Variants in OCA2 observed in about 807,000 individuals in gnomAD.
The protein encoded by OCA2 is P protein.
In OCA2, 77 loss-of-function variants were observed where a neutral mutation model predicts 100.2. The observed-to-expected ratio is 0.77, with a 90% CI of 0.64 to 0.93. The LOEUF is 0.93. OCA2 is among the 40% of genes least tolerant of loss of function. OCA2 has a pLI of 0.00. For synonymous variants in OCA2, 432 were observed against 439.2 expected (o/e 0.98, Z 0.21); for missense variants, 1,062 against 1,089.1 (o/e 0.98, Z 0.35).
chr15:28,013,434 T>C (rs1476838052), intron 9 of OCA2, among the ~76,000 whole-genome samples: 6 of 152,178 alleles, frequency 3.9e-5, no homozygotes, highest in African/African-American at 1.2e-4. Flanking sequence ...CTTGTGGGCC[T>C]GGGGCAGTGT....
At chr15:28,023,687 C>T (rs1288673285) in intron 5 of OCA2, among the ~76,000 whole-genome samples, 2 of 152,198 alleles carry the variant, frequency 1.3e-5, no homozygotes, top group African/African-American at 4.8e-5. Context: ...CCAGCAACTG[C>T]CCATGCACAC....
chr15:28,011,979 A>G (rs893478633), intron 9 of OCA2, among the ~76,000 whole-genome samples: 1 of 136,308 alleles, frequency 7.3e-6, no homozygotes, highest in African/African-American at 2.5e-5. Flanking sequence ...TTTGTCTCCA[A>G]AAAAAAAAAA....
chr15:28,012,708 A>G (rs1211096986), intron 9 of OCA2, among the ~76,000 whole-genome samples: 3 of 152,240 alleles, frequency 2.0e-5, no homozygotes, highest in Non-Finnish European at 2.9e-5. Context: ...TTTGCAAATT[A>G]TGTAGTTTTC....
rs1022282323 is a variant in OCA2, at chr15:28,018,709, T to C, written c.647-152A>G. The C allele has an allele frequency of 1.1e-5, 8 of 731,860 alleles. No individual in the cohort carries two copies. The African/African-American group carries it at 1.4e-4, about 13-fold the overall frequency. The allele number at this position is 731,860 out of a possible 1,614,324, so 45.3% of individuals were successfully genotyped here. On this transcript the variant is annotated intron_variant, in intron 6 of 23. Coordinates refer to ENST00000354638, the MANE Select transcript of OCA2 (RefSeq NM_000275.3). ...TGGCCATTAACACGATCTTCCTGCC[T>C]TTCTTATTACCCACATCTCAGCCCT...
intron 2 of OCA2, among the ~76,000 whole-genome samples, chr15:28,053,780 T>A (rs1265884716): frequency 6.6e-6 from 1 of 152,312 alleles, no homozygotes; most frequent in Non-Finnish European, 1.5e-5. Flanking sequence ...CTCACGATGC[T>A]CAGCGCAACC....
intron 23 of OCA2, among the ~76,000 whole-genome samples, chr15:27,817,861 T>G (rs2034363326): frequency 6.6e-6 from 1 of 152,158 alleles, no homozygotes; most frequent in East Asian, 1.9e-4. Context: ...GAGTGAGATG[T>G]AGGTGTCTGT....
chr15:28,009,684 TCA>T (rs747425942), intron 9 of OCA2, among the ~76,000 whole-genome samples: 9,830 of 137,958 alleles, frequency 0.071, 341 homozygotes, highest in Admixed American at 0.11. Context: ...CGAGATTCTG[TCA>T]CACACACACA....
At chr15:28,095,111 C>T (rs569983384) in intron 1 of OCA2, among the ~76,000 whole-genome samples, 1 of 152,344 alleles carries the variant, frequency 6.6e-6, no homozygotes, top group Admixed American at 6.5e-5. Flanking sequence ...CGCCTCCTGC[C>T]CAGGTCCAGG....
In OCA2 at chr15:28,043,959, A is replaced by G. The variant is rs1010072596; in HGVS notation, c.228-11796T>C. ...TAGCCATACTTTCACAGAAAGGCCA[A>G]TGAATGCTTGAGTCCTGGAAAGGAA... On this transcript the variant is annotated intron_variant, in intron 2 of 23. Coordinates refer to ENST00000354638, the MANE Select transcript of OCA2 (RefSeq NM_000275.3). This position sits in a 1 kb window ranked among gnomAD's most constrained non-coding sequence, Gnocchi z 4.4. 1.3e-5 allele frequency among the ~76,000 whole-genome samples: 2 copies of G among 152,216 alleles called. No homozygotes were observed. The highest frequency in any genetic ancestry group is 2.9e-5 in the Non-Finnish European group (2 of 68,034).
the OCA2 span, among the ~76,000 whole-genome samples, chr15:27,722,824 C>CTCTCTCTT: frequency 1.4e-5 from 2 of 147,682 alleles, no homozygotes; most frequent in Non-Finnish European, 3.0e-5. Flanking sequence ...TTCTCTCTCT[C>CTCTCTCTT]TCTCTCTTTC....
At chr15:28,009,688 A>T (rs1166164684) in intron 9 of OCA2, among the ~76,000 whole-genome samples, 2 of 117,888 alleles carry the variant, frequency 1.7e-5, no homozygotes, top group African/African-American at 4.4e-5. Flanking sequence ...ATTCTGTCAC[A>T]CACACACACA....
At chr15:27,924,467 T>C (rs11853510) in intron 19 of OCA2, among the ~76,000 whole-genome samples, 1,771 of 152,286 alleles carry the variant, frequency 0.012, 27 homozygotes, top group African/African-American at 0.036. Context: ...ATGATAAAAC[T>C]ATTATATATG....
chr15:27,824,737 G>A (rs952568289), intron 23 of OCA2, among the ~76,000 whole-genome samples: 4 of 151,024 alleles, frequency 2.6e-5, no homozygotes, highest in African/African-American at 7.3e-5. Flanking sequence ...CAGCACACTC[G>A]CCTAAAAGGC....
At chr15:28,052,443 A>G (rs539403550) in intron 2 of OCA2, among the ~76,000 whole-genome samples, 1 of 152,346 alleles carries the variant, frequency 6.6e-6, no homozygotes, top group South Asian at 2.1e-4. Context: ...GAGGCCGTTC[A>G]TGACCCTTCC....
chr15:27,953,464 A>G (rs1305773580), intron 17 of OCA2, among the ~76,000 whole-genome samples: 1 of 152,152 alleles, frequency 6.6e-6, no homozygotes, highest in Non-Finnish European at 1.5e-5. Flanking sequence ...TGTGCTGAAG[A>G]ATTAGGGCCA....
intron 21 of OCA2, among the ~76,000 whole-genome samples, chr15:27,852,625 G>C (rs2035795043): frequency 6.6e-6 from 1 of 151,882 alleles, no homozygotes; most frequent in Admixed American, 6.6e-5. Context: ...TACCATCAGA[G>C]TGAACAGGCA....
intron 19 of OCA2, among the ~76,000 whole-genome samples, chr15:27,913,746 A>G (rs1044230045): frequency 1.3e-5 from 2 of 150,678 alleles, no homozygotes; most frequent in African/African-American, 4.9e-5. Context: ...ATGGCCTCAA[A>G]GAGTGAATTA....
chr15:27,814,574 T>TTA (rs2034204963), intron 23 of OCA2, among the ~76,000 whole-genome samples: 1 of 152,190 alleles, frequency 6.6e-6, no homozygotes, highest in Non-Finnish European at 1.5e-5. Flanking sequence ...CATAGGTGTG[T>TTA]TCATATTAAA....
intron 18 of OCA2, among the ~76,000 whole-genome samples, chr15:27,946,296 T>C (rs1453241905): frequency 6.6e-6 from 1 of 152,226 alleles, no homozygotes; most frequent in East Asian, 1.9e-4. Context: ...TACTTCTCTA[T>C]TTGAGTCCTT....
Sources: allele counts gnomAD v4.1 joint callset (sites outside exome capture counted in the v4.1 genomes callset), GRCh38; gene constraint gnomAD v4.1.1; non-coding constraint Gnocchi (gnomAD v3.1); transcripts MANE v1.5; gene names NCBI Gene and HGNC (gene_info 2026-07-23, HGNC 2026-07-21).